The following NR6A1 variants were observed in gnomAD, a reference collection of about 807,000 sequenced individuals.
NR6A1 encodes nuclear receptor subfamily 6 group A member 1, also known as retinoic acid receptor-related testis-associated receptor.
Under a neutral mutation model 59.1 loss-of-function variants are expected in NR6A1, and 7 were observed. The observed-to-expected ratio is 0.12, with a 90% confidence interval of 0.07 to 0.22. The LOEUF is 0.22. Ranked by LOEUF, NR6A1 falls within the 10% of genes least tolerant of loss-of-function variation. The probability of loss-of-function intolerance (pLI) is 1.00; values close to 1 mark genes in which losing one functional copy is unlikely to be tolerated. For missense variants in NR6A1, 468 were observed against 611.6 expected (o/e 0.77, Z 2.48); for synonymous variants, 243 against 236.1 (o/e 1.03, Z -0.27).
chr9:124,744,090 A>G (rs967723214), intron 1 of NR6A1, among the ~76,000 whole-genome samples: 2 of 152,122 alleles, frequency 1.3e-5, no homozygotes, highest in African/African-American at 4.8e-5. Flanking sequence ...GTCTTTTTCA[A>G]TTAGCTGGGC....
At chr9:124,534,562 C>T (rs1386904059) in intron 7 of NR6A1, among the ~76,000 whole-genome samples, 1 of 152,168 alleles carries the variant, frequency 6.6e-6, no homozygotes, top group African/African-American at 2.4e-5. Flanking sequence ...TTTAAGGATA[C>T]TGGACAGCTG....
At chr9:124,617,277 T>A (rs780834353) in intron 2 of NR6A1, among the ~76,000 whole-genome samples, 1 of 152,098 alleles carries the variant, frequency 6.6e-6, no homozygotes, top group Non-Finnish European at 1.5e-5. Flanking sequence ...GATTCCCGGG[T>A]GGCCCTTATC....
intron 2 of NR6A1, among the ~76,000 whole-genome samples, chr9:124,601,829 C>T (rs561625007): frequency 2.0e-5 from 3 of 151,630 alleles, no homozygotes; most frequent in Admixed American, 6.6e-5. Context: ...TGGTGGCACA[C>T]GCCTGAAGCC....
chr9:124,713,720 C>G (rs1839343988), intron 2 of NR6A1, among the ~76,000 whole-genome samples: 1 of 152,132 alleles, frequency 6.6e-6, no homozygotes, highest in Non-Finnish European at 1.5e-5. Flanking sequence ...AGGAGAGCTA[C>G]TATCAAAAAC....
intron 2 of NR6A1, among the ~76,000 whole-genome samples, chr9:124,624,910 TTG>T (rs979305665): frequency 4.6e-5 from 5 of 108,442 alleles, no homozygotes; most frequent in Admixed American, 1.1e-4. Context: ...TGTTGCTAGC[TTG>T]TTTTTTTTTT....
At chr9:124,598,905 G>A (rs1405882524) in intron 2 of NR6A1, 3 of 703,128 alleles carry the variant, frequency 4.3e-6, no homozygotes, top group Non-Finnish European at 5.3e-6. Context: ...CGGATGGCCA[G>A]CAGCTCTGGC....
chr9:124,721,995 G>T (rs933711201), intron 2 of NR6A1, among the ~76,000 whole-genome samples: 4 of 152,136 alleles, frequency 2.6e-5, no homozygotes, highest in African/African-American at 9.7e-5. Flanking sequence ...TCTTATGAAT[G>T]CTTAATAAAA....
chr9:124,654,219 A>G (rs941508697), intron 2 of NR6A1, among the ~76,000 whole-genome samples: 4 of 152,230 alleles, frequency 2.6e-5, no homozygotes, highest in African/African-American at 9.6e-5. Flanking sequence ...AGTTAAAGAT[A>G]GTGTCAAGGG....
intron 3 of NR6A1, among the ~76,000 whole-genome samples, chr9:124,550,820 G>A (rs1208601866): frequency 6.6e-6 from 1 of 152,162 alleles, no homozygotes; most frequent in Non-Finnish European, 1.5e-5. Context: ...ACAGGTGTGA[G>A]CCACTAAGCC....
At chr9:124,645,039 G>A (rs576220327) in intron 2 of NR6A1, among the ~76,000 whole-genome samples, 9 of 152,074 alleles carry the variant, frequency 5.9e-5, no homozygotes, top group Non-Finnish European at 8.8e-5. Flanking sequence ...AAATCCTAAC[G>A]GAAACAAAAT....
chr9:124,614,681 A>G (rs1483738930), intron 2 of NR6A1, among the ~76,000 whole-genome samples: 1 of 152,194 alleles, frequency 6.6e-6, no homozygotes, highest in Non-Finnish European at 1.5e-5. Context: ...CACTATATGC[A>G]AAAATTCCCT....
At chr9:124,731,231 A>T (rs1250104384) in intron 2 of NR6A1, among the ~76,000 whole-genome samples, 1 of 152,054 alleles carries the variant, frequency 6.6e-6, no homozygotes, top group East Asian at 1.9e-4. Flanking sequence ...TTAGCCAGCC[A>T]TGGTTGCGCA....
intron 2 of NR6A1, among the ~76,000 whole-genome samples, chr9:124,618,342 G>T (rs563669358): frequency 6.6e-6 from 1 of 152,114 alleles, no homozygotes; most frequent in African/African-American, 2.4e-5. Flanking sequence ...AATTAGATGG[G>T]CGTGGTGGCA....
chr9:124,623,941 G>A (rs765480923), intron 2 of NR6A1, among the ~76,000 whole-genome samples: 5 of 152,178 alleles, frequency 3.3e-5, no homozygotes, highest in Non-Finnish European at 7.3e-5. Flanking sequence ...CCTGGCACCA[G>A]TGTTAACTGT....
chr9:124,729,844 C>G (rs1469993833), intron 2 of NR6A1, among the ~76,000 whole-genome samples: 63 of 149,726 alleles, frequency 4.2e-4, no homozygotes, highest in Non-Finnish European at 3.0e-5. Context: ...CGGAGTCTCG[C>G]TCTTGTTGCC....
chr9:124,525,351 ATCT>A (rs1406865207), intron 8 of NR6A1, among the ~76,000 whole-genome samples: 3 of 145,704 alleles, frequency 2.1e-5, no homozygotes, highest in African/African-American at 7.8e-5. Context: ...TCTGTTCTTA[ATCT>A]TCTTCCTGGG....
chr9:124,523,087 T>C (rs1056747043), intron 9 of NR6A1, among the ~76,000 whole-genome samples: 1 of 152,176 alleles, frequency 6.6e-6, no homozygotes, highest in Non-Finnish European at 1.5e-5. Flanking sequence ...TCTCACACTA[T>C]TTCTGTGTAC....
At chr9:124,626,449 T>C (rs1836243548) in intron 2 of NR6A1, among the ~76,000 whole-genome samples, 2 of 152,376 alleles carry the variant, frequency 1.3e-5, no homozygotes, top group South Asian at 4.1e-4. Context: ...ATCTAGGATC[T>C]AGTTTTGTTT....
chr9:124,639,035 T>C (rs1836698794), intron 2 of NR6A1, among the ~76,000 whole-genome samples: 1 of 152,196 alleles, frequency 6.6e-6, no homozygotes, highest in South Asian at 2.1e-4. Flanking sequence ...GCCATAATAG[T>C]TAACACAATT....
Sources: gnomAD v4.1 joint callset for allele counts (sites outside exome capture counted in the v4.1 genomes callset) on GRCh38, gnomAD v4.1.1 for gene constraint, MANE v1.5 for transcripts, NCBI Gene and HGNC (gene_info 2026-07-23, HGNC 2026-07-21) for gene names.